DGKI: variants seen among roughly 807,000 people sequenced by gnomAD.
The protein encoded by DGKI is DAG kinase iota.
In DGKI, 55 loss-of-function variants were observed where a neutral mutation model predicts 147.5. That is an observed-to-expected ratio of 0.37 (90% confidence interval 0.30 to 0.47). The LOEUF (loss-of-function observed/expected upper bound fraction) is 0.47. DGKI is among the 20% of genes least tolerant of loss of function. The probability of loss-of-function intolerance (pLI) is 1.00; values close to 1 mark genes in which losing one functional copy is unlikely to be tolerated. For synonymous variants in DGKI, 469 were observed against 477.1 expected, an observed-to-expected ratio of 0.98 and a Z score of 0.22; for missense variants, 1,007 against 1,323.8, an observed-to-expected ratio of 0.76 and a Z score of 3.71.
At chr7:137,402,423 A>G (rs1405808011) in intron 30 of DGKI, among the ~76,000 whole-genome samples, 1 of 152,232 alleles carries the variant, frequency 6.6e-6, no homozygotes, top group African/African-American at 2.4e-5. Flanking sequence ...AACTTCACAA[A>G]TCTTTCAAAA....
intron 21 of DGKI, among the ~76,000 whole-genome samples, chr7:137,505,151 G>A (rs868128230): frequency 3.3e-5 from 5 of 151,752 alleles, no homozygotes; most frequent in Middle Eastern, 3.4e-3. Flanking sequence ...GGGAGGGATA[G>A]AAGAAAAAAC....
At chr7:137,579,826 T>C (rs533294859) in intron 15 of DGKI, among the ~76,000 whole-genome samples, 1 of 152,284 alleles carries the variant, frequency 6.6e-6, no homozygotes, top group Non-Finnish European at 1.5e-5. Flanking sequence ...CTTTAACTAA[T>C]TGTTTTATAA....
At chr7:137,447,078 T>C (rs1392203591) in intron 27 of DGKI, among the ~76,000 whole-genome samples, 2 of 152,254 alleles carry the variant, frequency 1.3e-5, no homozygotes, top group East Asian at 3.8e-4. Context: ...AGAATATTCA[T>C]ATTTGTTTGT....
chr7:137,600,155 A>G (rs1819938094), intron 10 of DGKI, among the ~76,000 whole-genome samples: 1 of 151,852 alleles, frequency 6.6e-6, no homozygotes, highest in South Asian at 2.1e-4. Context: ...GTGGTGACAC[A>G]TGTCTTTAGT....
At chr7:137,826,852 A>G (rs937327475) in intron 1 of DGKI, among the ~76,000 whole-genome samples, 1 of 152,222 alleles carries the variant, frequency 6.6e-6, no homozygotes, top group African/African-American at 2.4e-5. Context: ...TTGCTAAAGT[A>G]ATAATGAATG....
chr7:137,447,381 T>C (rs562601374), intron 27 of DGKI, among the ~76,000 whole-genome samples: 34 of 152,264 alleles, frequency 2.2e-4, no homozygotes, highest in African/African-American at 7.9e-4. Context: ...GTAAAAAATA[T>C]ATAATGATCA....
At chr7:137,706,691 G>A (rs1336257907) in intron 1 of DGKI, among the ~76,000 whole-genome samples, 1 of 151,596 alleles carries the variant, frequency 6.6e-6, no homozygotes, top group Admixed American at 6.6e-5. Context: ...TTCTGCCTCA[G>A]CCTCCTGAGG....
In DGKI at chr7:137,678,600, T is replaced by A; in HGVS notation, c.563A>T (p.Asp188Val). The A allele has an allele frequency of 5.6e-6, 9 of 1,613,932 alleles. No homozygotes were observed. Among genetic ancestry groups the A allele is most frequent in the African/African-American group, 1.3e-5 (1 of 74,938 alleles). The change falls in exon 3 of 33, where the codon GAC (aspartate) becomes GTC (valine). Residue 188 changes from aspartate to valine, a missense_variant. By Grantham distance (152) the Asp-to-Val change is radical (BLOSUM62 -3). This residue lies in a region of DGKI where 259 missense variants were observed against 362.5 expected (regional missense o/e 0.71). Transcript: ENST00000614521. ...HLWLETNVSG[D>V]LCYLGEENCQ... is the part of the protein sequence containing the mutation. ...GTTCTCCTCTCCAAGGTAGCAGAGG[T>A]CTCCCGAGACGTTGGTCTCCAGCCA...
At chr7:137,501,528 G>T (rs1403472157) in intron 21 of DGKI, among the ~76,000 whole-genome samples, 1 of 152,154 alleles carries the variant, frequency 6.6e-6, no homozygotes, top group Non-Finnish European at 1.5e-5. Context: ...CAGTTGGTAT[G>T]ATGCAAAAGA....
intron 23 of DGKI, among the ~76,000 whole-genome samples, chr7:137,475,774 A>T (rs942827158): frequency 6.6e-5 from 10 of 152,288 alleles, no homozygotes; most frequent in African/African-American, 2.2e-4. Flanking sequence ...TGATTTACCA[A>T]GTTTCAACTT....
At chr7:137,715,297 A>AG (rs1256939185) in intron 1 of DGKI, among the ~76,000 whole-genome samples, 2 of 152,232 alleles carry the variant, frequency 1.3e-5, no homozygotes, top group African/African-American at 4.8e-5. Context: ...ATAAGTCACC[A>AG]GCCAAGCTTG....
At position 137,466,950 on chromosome 7, in the gene DGKI, A is replaced by G. The variant is rs554192681; in HGVS notation, c.2444-8T>C. ...AGCGATCAGCAGAAGTTGCTAGGGG[A>G]AAAAAAATGCAGATGGCATTCAGAA... is the stretch of plus-strand genomic sequence containing the variant. On this transcript the variant is annotated splice_region_variant and splice_polypyrimidine_tract_variant and intron_variant, in intron 24 of 32. Transcript: ENST00000614521. 4.5e-5 allele frequency: 73 copies of G among 1,606,744 alleles called. No homozygotes were observed. The African/African-American group carries it at 6.7e-4, about 15-fold the overall frequency.
At chr7:137,434,136 T>G (rs867436672) in intron 28 of DGKI, among the ~76,000 whole-genome samples, 10 of 144,924 alleles carry the variant, frequency 6.9e-5, no homozygotes, top group African/African-American at 2.5e-4. Flanking sequence ...AAAAAAAAAG[T>G]AAACTAGGAC....
At chr7:137,617,590 T>G (rs1820578641) in intron 8 of DGKI, among the ~76,000 whole-genome samples, 1 of 151,810 alleles carries the variant, frequency 6.6e-6, no homozygotes, top group South Asian at 2.1e-4. Flanking sequence ...AAAGAAAAAG[T>G]AGGGGGATTC....
intron 27 of DGKI, among the ~76,000 whole-genome samples, chr7:137,455,639 A>AAAAGG (rs372979012): frequency 1.5e-5 from 1 of 68,950 alleles, no homozygotes. Context: ...TAAAAAAAAA[A>AAAAGG]GGGGGGGGGG....
chr7:137,767,513 AAGAGAAGAGAAGAGAAGAGTAGAGT>A (rs1450823899), intron 1 of DGKI, among the ~76,000 whole-genome samples: 3 of 149,958 alleles, frequency 2.0e-5, no homozygotes, highest in African/African-American at 7.5e-5. Context: ...AAGAGAAGAG[AAGAGAAGAGAAGAGAAGAGTAGAGT>A]AGGAGGAAGA....
intron 19 of DGKI, among the ~76,000 whole-genome samples, chr7:137,559,685 A>G (rs1585231200): frequency 1.3e-5 from 2 of 151,890 alleles, no homozygotes; most frequent in East Asian, 3.9e-4. Context: ...GATTCTAGTC[A>G]CTACCAAAGT....
intron 1 of DGKI, among the ~76,000 whole-genome samples, chr7:137,740,568 T>C (rs1472621091): frequency 2.0e-5 from 3 of 152,156 alleles, no homozygotes; most frequent in Non-Finnish European, 4.4e-5. Flanking sequence ...CTGCAAGAAA[T>C]GGAGACTAGA....
chr7:137,641,627 G>A (rs1821628798), intron 6 of DGKI, among the ~76,000 whole-genome samples: 1 of 152,106 alleles, frequency 6.6e-6, no homozygotes, highest in East Asian at 1.9e-4. Context: ...GATATCTTAT[G>A]TATACGCAAA....
Sources: allele counts gnomAD v4.1 joint callset (sites outside exome capture counted in the v4.1 genomes callset), GRCh38; gene constraint gnomAD v4.1.1; regional missense constraint gnomAD v4.1.1; transcripts MANE v1.5; gene names NCBI Gene and HGNC (gene_info 2026-07-23, HGNC 2026-07-21).